HDAC9: variants seen among roughly 807,000 people sequenced by gnomAD.
HDAC9 encodes histone deacetylase 9.
In HDAC9, 41 loss-of-function variants were observed where a neutral mutation model predicts 139.4. The ratio of observed to expected loss-of-function variants is 0.29; its 90% CI spans 0.23 to 0.38. The LOEUF (loss-of-function observed/expected upper bound fraction) is 0.38. Ranked by LOEUF, HDAC9 falls within the 10% of genes least tolerant of loss-of-function variation. The probability of loss-of-function intolerance (pLI) is 1.00; values close to 1 mark genes in which losing one functional copy is unlikely to be tolerated. For synonymous variants in HDAC9, 517 were observed against 476.2 expected (o/e 1.09, Z -1.12); for missense variants, 1,147 against 1,297.0 (o/e 0.88, Z 1.78).
intron 2 of HDAC9, among the ~76,000 whole-genome samples, chr7:18,511,766 C>G (rs1336689830): frequency 1.3e-5 from 2 of 152,102 alleles, no homozygotes; most frequent in African/African-American, 4.8e-5. Flanking sequence ...ATATGAGACC[C>G]ACTTTCTTCA....
intron 2 of HDAC9, among the ~76,000 whole-genome samples, chr7:18,500,534 G>C (rs1373869460): frequency 1.3e-5 from 2 of 152,188 alleles, no homozygotes; most frequent in Non-Finnish European, 2.9e-5. Flanking sequence ...TTACTGGCAA[G>C]TTGACCAGTT....
At chr7:18,297,001 G>A (rs1432610963) in intron 1 of HDAC9, among the ~76,000 whole-genome samples, 1 of 152,168 alleles carries the variant, frequency 6.6e-6, no homozygotes, top group Non-Finnish European at 1.5e-5. Context: ...TACTTGCCAT[G>A]GAAGCAGGAC....
At chr7:18,163,977 G>C (rs1262519243) in intron 2 of HDAC9, among the ~76,000 whole-genome samples, 2 of 152,146 alleles carry the variant, frequency 1.3e-5, no homozygotes, top group African/African-American at 4.8e-5. Context: ...TGCGAGTTGT[G>C]ATAATTGTTC....
chr7:18,587,987 G>A (rs1318474684), intron 3 of HDAC9, among the ~76,000 whole-genome samples: 1 of 152,144 alleles, frequency 6.6e-6, no homozygotes, highest in Non-Finnish European at 1.5e-5. Context: ...CAGAATTTAA[G>A]CATTCCTTCT....
intron 22 of HDAC9, among the ~76,000 whole-genome samples, chr7:18,894,390 G>A (rs1244225794): frequency 1.3e-5 from 2 of 152,082 alleles, no homozygotes; most frequent in African/African-American, 4.8e-5. Context: ...GGCAGAGTGT[G>A]CTGTCCTGTA....
At position 18,996,391 on chromosome 7, in the gene HDAC9, T is replaced by A; in HGVS notation, c.*329T>A. On this transcript the variant is annotated 3_prime_UTR_variant, in exon 26 of 26. Coordinates refer to ENST00000686413, the MANE Select transcript of HDAC9 (RefSeq NM_178425.4). Reference sequence around the variant, plus strand: ...TAGAAACATTCAGTACAGCACTAGATATTGTTAATTTCAGAAGCTATGACA... The same window carrying A: ...TAGAAACATTCAGTACAGCACTAGAAATTGTTAATTTCAGAAGCTATGACA... 1 of 190,564 alleles carries A rather than the reference T, an allele frequency of 5.2e-6. No individual in the cohort carries two copies. Among genetic ancestry groups the A allele is most frequent in the East Asian group, 1.4e-4 (1 of 7,230 alleles). 11.8% of individuals were successfully genotyped at this position (190,564 alleles called of 1,614,324 possible).
rs186411754 is a variant in HDAC9 at position 18,281,352 on chromosome 7, G to C, written c.25+119003G>C. On this transcript the variant is annotated intron_variant, in intron 2 of 12. Coordinates refer to the HDAC9 transcript ENST00000417496. Reference sequence around the variant, plus strand: ...AGGAAAATACTGCATGGGTTTTGCAGCCAGTCTTCCTGTTCAGATTTACTC... The same window carrying C: ...AGGAAAATACTGCATGGGTTTTGCACCCAGTCTTCCTGTTCAGATTTACTC... Among the ~76,000 whole-genome samples the C allele has an allele frequency of 2.0e-3, 298 of 152,288 alleles. 2 individuals carry two copies. The highest frequency in any genetic ancestry group is 6.9e-3 in the African/African-American group (286 of 41,568).
At chr7:18,946,039 A>AAT (rs1416989702) in intron 23 of HDAC9, among the ~76,000 whole-genome samples, 1 of 26,376 alleles carries the variant, frequency 3.8e-5, no homozygotes, top group Non-Finnish European at 8.3e-5. Context: ...TCCGTCTCAA[A>AAT]AAAAAAAAAA....
chr7:18,822,347 TTTG>T (rs3085431), intron 17 of HDAC9, among the ~76,000 whole-genome samples: 4,891 of 149,938 alleles, frequency 0.033, 177 homozygotes, highest in East Asian at 0.19. Context: ...TGTTTGTTTG[TTTG>T]TTGTTGTTGT....
chr7:18,928,927 C>T (rs1295010483), intron 22 of HDAC9, among the ~76,000 whole-genome samples: 1 of 151,334 alleles, frequency 6.6e-6, no homozygotes, highest in East Asian at 1.9e-4. Context: ...CTATCATCTT[C>T]CAAATTTCTT....
At chr7:18,740,574 A>G (rs1188211292) in intron 13 of HDAC9, among the ~76,000 whole-genome samples, 2 of 152,204 alleles carry the variant, frequency 1.3e-5, no homozygotes, top group East Asian at 3.9e-4. Flanking sequence ...CTCTATTCCC[A>G]GAGACACTGG....
Position 18,975,799 on chromosome 7 carries a change from T to C in HDAC9, c.3023-7T>C, listed in dbSNP as rs2129337699. On this transcript the variant is annotated splice_polypyrimidine_tract_variant and splice_region_variant and intron_variant, in intron 24 of 25. Coordinates refer to ENST00000686413, the MANE Select transcript of HDAC9 (RefSeq NM_178425.4). The stretch of plus-strand genomic sequence containing the variant: ...TTCTTATGAAGTATGATGGATGTTT[T>C]TCCTAGGCAAGTATTGGAAGTCAGT... The C allele has an allele frequency of 6.2e-7, 1 of 1,613,346 alleles. No homozygotes were observed.
intron 14 of HDAC9, among the ~76,000 whole-genome samples, chr7:18,750,912 G>A (rs1361394352): frequency 6.6e-6 from 1 of 152,108 alleles, no homozygotes; most frequent in Non-Finnish European, 1.5e-5. Flanking sequence ...GTTATATCCT[G>A]CGGCAGCTGG....
chr7:18,207,568 TTC>T (rs1791625982), intron 2 of HDAC9, among the ~76,000 whole-genome samples: 1 of 145,340 alleles, frequency 6.9e-6, no homozygotes, highest in Non-Finnish European at 1.5e-5. Context: ...GATTTGAGCT[TTC>T]TAGCAGCCAA....
intron 1 of HDAC9, among the ~76,000 whole-genome samples, chr7:18,458,160 C>T (rs770401297): frequency 2.2e-4 from 34 of 152,168 alleles, no homozygotes; most frequent in Non-Finnish European, 7.3e-5. Context: ...TCAAAAGAGA[C>T]GCTCACCCTC....
intron 21 of HDAC9, among the ~76,000 whole-genome samples, chr7:18,873,411 A>T (rs1020204466): frequency 6.6e-6 from 1 of 152,196 alleles, no homozygotes; most frequent in Non-Finnish European, 1.5e-5. Context: ...TTACATTTCT[A>T]GGTAAGTTTC....
chr7:18,504,396 T>G (rs2128165495), intron 2 of HDAC9, among the ~76,000 whole-genome samples: 1 of 152,208 alleles, frequency 6.6e-6, no homozygotes, highest in South Asian at 2.1e-4. Flanking sequence ...ACCTCCACCT[T>G]CTGGTTCAAG....
In HDAC9 at chr7:18,451,314, T is replaced by TCTAA. The variant is rs1233672879; in HGVS notation, c.-41-44947_-41-44944dup. On this transcript the variant is annotated intron_variant, in intron 1 of 3. Coordinates refer to the HDAC9 transcript ENST00000413509. ...TTTCTGTTGTTTATAAATTACCCAG[T>TCTAA]CTAAGATATTTTTGTTATAGCAGGC... is the stretch of plus-strand genomic sequence containing the variant. Among the ~76,000 whole-genome samples the TCTAA allele has an allele frequency of 1.3e-5, 2 of 151,430 alleles. 1 individual carries two copies. The highest frequency in any genetic ancestry group is 4.9e-5 in the African/African-American group (2 of 41,186).
chr7:18,972,035 G>A (rs903895602), intron 24 of HDAC9, among the ~76,000 whole-genome samples: 3 of 152,144 alleles, frequency 2.0e-5, no homozygotes, highest in Non-Finnish European at 4.4e-5. Context: ...CCCAATGCTT[G>A]GTAATTAAAG....
Sources: gnomAD v4.1 joint callset for allele counts (sites outside exome capture counted in the v4.1 genomes callset) on GRCh38, gnomAD v4.1.1 for gene constraint, MANE v1.5 for transcripts, NCBI Gene and HGNC (gene_info 2026-07-23, HGNC 2026-07-21) for gene names.